ROBO2: variants seen among roughly 807,000 people sequenced by gnomAD.
ROBO2 encodes roundabout homolog 2.
Under a neutral mutation model 160.8 loss-of-function variants are expected in ROBO2, and 53 were observed. That is an observed-to-expected ratio of 0.33 (90% CI 0.26 to 0.41). The LOEUF (loss-of-function observed/expected upper bound fraction) is 0.41. ROBO2 is among the 10% of genes least tolerant of loss of function. The pLI is 1.00. For synonymous variants in ROBO2, 664 were observed against 611.7 expected (o/e 1.09, Z -1.26); for missense variants, 1,577 against 1,722.4 (o/e 0.92, Z 1.49).
At chr3:77,475,016 A>G (rs979133650) in intron 2 of ROBO2, among the ~76,000 whole-genome samples, 11 of 152,164 alleles carry the variant, frequency 7.2e-5, no homozygotes, top group African/African-American at 2.7e-4. Context: ...TTTTCTAAAA[A>G]TAAGTTCTAG....
Position 76,998,238 on chromosome 3 carries a change from C to G in ROBO2, c.110-99776C>G, listed in dbSNP as rs76610917. On this transcript the variant is annotated intron_variant, in intron 2 of 26. Transcript: ENST00000487694. ...TGGAGGACAAATTGATTGATACTTG[C>G]GTTCATCTATTATAATAGATAATGG... Among the ~76,000 whole-genome samples, 1,315 of 152,098 alleles carry G rather than the reference C, an allele frequency of 8.6e-3. 10 individuals are homozygous for G. The highest frequency in any genetic ancestry group is 0.014 in the Non-Finnish European group (952 of 68,000).
chr3:76,829,416 C>T (rs557121052), intron 2 of ROBO2, among the ~76,000 whole-genome samples: 7 of 152,102 alleles, frequency 4.6e-5, no homozygotes, highest in East Asian at 3.9e-4. Context: ...CACCATGGCA[C>T]GTGTATACCT....
chr3:76,176,220 G>T (rs1469867413), intron 2 of ROBO2, among the ~76,000 whole-genome samples: 1 of 151,968 alleles, frequency 6.6e-6, no homozygotes, highest in African/African-American at 2.4e-5. Flanking sequence ...GCCCATCTTT[G>T]TCACCACCTC....
chr3:76,991,176 T>C (rs1454338154), intron 2 of ROBO2, among the ~76,000 whole-genome samples: 2 of 152,142 alleles, frequency 1.3e-5, no homozygotes. Context: ...CTCAGTAAAA[T>C]TCTCTCTTCT....
At chr3:76,302,322 A>G (rs574380459) in intron 2 of ROBO2, among the ~76,000 whole-genome samples, 1 of 152,078 alleles carries the variant, frequency 6.6e-6, no homozygotes, top group Non-Finnish European at 1.5e-5. Flanking sequence ...GAGAACTCTT[A>G]TTTCTTTGTT....
At chr3:76,843,699 C>G (rs1187121138) in intron 2 of ROBO2, among the ~76,000 whole-genome samples, 2 of 151,906 alleles carry the variant, frequency 1.3e-5, no homozygotes, top group Non-Finnish European at 2.9e-5. Flanking sequence ...AATAGAAATG[C>G]AGAATCTGGG....
intron 2 of ROBO2, among the ~76,000 whole-genome samples, chr3:77,310,564 A>C (rs999306973): frequency 1.3e-5 from 2 of 152,172 alleles, no homozygotes; most frequent in African/African-American, 2.4e-5. Context: ...AGAAAAAGAA[A>C]GATATTAATT....
intron 2 of ROBO2, among the ~76,000 whole-genome samples, chr3:76,533,376 A>G (rs2082328045): frequency 6.6e-6 from 1 of 152,252 alleles, no homozygotes; most frequent in Non-Finnish European, 1.5e-5. Flanking sequence ...TAGGCCTCAA[A>G]TTAATTGTTG....
chr3:77,585,660 G>A (rs1419019609), intron 16 of ROBO2, among the ~76,000 whole-genome samples: 2 of 151,888 alleles, frequency 1.3e-5, no homozygotes, highest in African/African-American at 4.8e-5. Context: ...ACCTAGAAAA[G>A]GCTATTTGTT....
intron 2 of ROBO2, among the ~76,000 whole-genome samples, chr3:76,453,809 T>C (rs1227375953): frequency 2.0e-5 from 3 of 152,182 alleles, no homozygotes; most frequent in African/African-American, 7.2e-5. Flanking sequence ...ATATATGATT[T>C]AGTAGTTACT....
intron 1 of ROBO2, among the ~76,000 whole-genome samples, chr3:75,907,237 T>C (rs772327655): frequency 3.3e-5 from 5 of 152,158 alleles, no homozygotes; most frequent in Non-Finnish European, 7.4e-5. Context: ...TAGACAAGCT[T>C]TTAAGACGGA....
intron 2 of ROBO2, among the ~76,000 whole-genome samples, chr3:76,182,745 T>G (rs2107114089): frequency 6.6e-6 from 1 of 152,264 alleles, no homozygotes; most frequent in African/African-American, 2.4e-5. Context: ...CTAATATCCT[T>G]CCTTGGACTG....
chr3:76,416,491 A>G (rs2075764363), intron 2 of ROBO2, among the ~76,000 whole-genome samples: 1 of 152,206 alleles, frequency 6.6e-6, no homozygotes, highest in Admixed American at 6.5e-5. Flanking sequence ...CATTTTGACC[A>G]TTATATTCTT....
chr3:76,149,723 A>G lies in ROBO2; in HGVS notation c.109+212121A>G, dbSNP rs938031178. The stretch of plus-strand genomic sequence containing the variant: ...CTGTTTAAAGCACAATCTGTCTAAA[A>G]CACACATCTGTCTAAAGCACACATC... On this transcript the variant is annotated intron_variant, in intron 2 of 26. Transcript: ENST00000487694. Among the ~76,000 whole-genome samples, 4 of 131,374 alleles carry G rather than the reference A, an allele frequency of 3.0e-5. 1 individual carries two copies. Among genetic ancestry groups the G allele is most frequent in the African/African-American group, 1.0e-4 (4 of 38,564 alleles). 86.2% of individuals were successfully genotyped at this position (131,374 alleles called of 152,430 possible).
intron 7 of ROBO2, among the ~76,000 whole-genome samples, chr3:77,547,144 G>A (rs1263770892): frequency 6.6e-6 from 1 of 151,980 alleles, no homozygotes; most frequent in Non-Finnish European, 1.5e-5. Context: ...AAGTCAACTG[G>A]ATACACTAGT....
intron 2 of ROBO2, among the ~76,000 whole-genome samples, chr3:76,107,175 G>A (rs1214776886): frequency 6.6e-6 from 1 of 152,074 alleles, no homozygotes; most frequent in Non-Finnish European, 1.5e-5. Flanking sequence ...GCAGGTATTT[G>A]TTCAAGTTGA....
chr3:76,524,826 T>TAAAA lies in ROBO2; in HGVS notation c.110-573151_110-573148dup, dbSNP rs58091252. On this transcript the variant is annotated intron_variant, in intron 2 of 26. Coordinates refer to the ROBO2 transcript ENST00000487694. ...TAAAAACCTATGACCCTCTTATTCC[T>TAAAA]AAAAAAAAAAAAAAAAAAAAAAAAA... Among the ~76,000 whole-genome samples, 29 of 21,722 alleles carry TAAAA rather than the reference T, an allele frequency of 1.3e-3. 1 individual carries two copies. The highest frequency in any genetic ancestry group is 1.4e-3 in the Non-Finnish European group (15 of 10,980). The allele number at this position is 21,722 out of a possible 152,430, so 14.3% of individuals were successfully genotyped here.
At chr3:77,171,818 G>A (rs922722790) in intron 2 of ROBO2, among the ~76,000 whole-genome samples, 4 of 152,084 alleles carry the variant, frequency 2.6e-5, no homozygotes, top group East Asian at 1.9e-4. Flanking sequence ...CCATTGCTTC[G>A]GAATTTCAAA....
chr3:77,074,848 C>T (rs978198222), intron 1 of ROBO2, among the ~76,000 whole-genome samples: 2 of 152,176 alleles, frequency 1.3e-5, no homozygotes, highest in Non-Finnish European at 2.9e-5. Context: ...GCAACCTTTT[C>T]TTCCAAAACT....
Sources: gnomAD v4.1 joint callset for allele counts (sites outside exome capture counted in the v4.1 genomes callset) on GRCh38, gnomAD v4.1.1 for gene constraint, MANE v1.5 for transcripts, NCBI Gene and HGNC (gene_info 2026-07-23, HGNC 2026-07-21) for gene names.